The following SLC35F3 variants were observed in gnomAD, a reference collection of about 807,000 sequenced individuals.
SLC35F3 encodes solute carrier family 35 member F3, also known as putative thiamine transporter SLC35F3.
A neutral mutation model predicts 49.9 loss-of-function variants in SLC35F3; 25 were observed. The ratio of observed to expected loss-of-function variants is 0.50; its 90% CI spans 0.37 to 0.70. The LOEUF (loss-of-function observed/expected upper bound fraction) is 0.70. SLC35F3 is among the 30% of genes least tolerant of loss of function. The probability of loss-of-function intolerance (pLI) is 0.00; values close to 1 mark genes in which losing one functional copy is unlikely to be tolerated. For missense variants in SLC35F3, 525 were observed against 639.8 expected (o/e 0.82, Z 1.94); for synonymous variants, 275 against 265.4 (o/e 1.04, Z -0.35).
chr1:233,913,345 C>G (rs1163518297), intron 2 of SLC35F3, among the ~76,000 whole-genome samples: 1 of 152,202 alleles, frequency 6.6e-6, no homozygotes, highest in Non-Finnish European at 1.5e-5. Flanking sequence ...CTGTCACCTT[C>G]CTCATCCAGG....
chr1:233,984,459 G>T (rs1220535510), intron 2 of SLC35F3, among the ~76,000 whole-genome samples: 1 of 152,146 alleles, frequency 6.6e-6, no homozygotes, highest in Non-Finnish European at 1.5e-5. Context: ...AACGGGATGG[G>T]TAAGTTTTAG....
At chr1:234,130,734 T>G (rs1331674763) in intron 2 of SLC35F3, among the ~76,000 whole-genome samples, 1 of 152,008 alleles carries the variant, frequency 6.6e-6, no homozygotes, top group African/African-American at 2.4e-5. Context: ...GAAGCATATA[T>G]TGGCACCATC....
chr1:233,996,906 T>A (rs1663469709), intron 2 of SLC35F3, among the ~76,000 whole-genome samples: 1 of 151,450 alleles, frequency 6.6e-6, no homozygotes, highest in African/African-American at 2.5e-5. Context: ...CCATATTGGG[T>A]GACCCTGTGA....
intron 3 of SLC35F3, among the ~76,000 whole-genome samples, chr1:234,249,519 C>G (rs1346602439): frequency 2.0e-5 from 3 of 152,164 alleles, no homozygotes; most frequent in Non-Finnish European, 2.9e-5. Context: ...CACCTTCATC[C>G]AAGTACCAAG....
In SLC35F3 at chr1:234,027,769, C is replaced by T. The variant is rs565450558; in HGVS notation, c.283+122011C>T. Among the ~76,000 whole-genome samples the T allele has an allele frequency of 2.6e-4, 40 of 152,198 alleles. No individual in the cohort carries two copies. Among genetic ancestry groups the T allele is most frequent in the African/African-American group, 8.7e-4 (36 of 41,512 alleles). On this transcript the variant is annotated intron_variant, in intron 2 of 7. Transcript: ENST00000366618. This position sits in a 1 kb window ranked among gnomAD's most constrained non-coding sequence, Gnocchi z 4.1. ...TTAGTAAAAATTCACTGGGAGCCTG[C>T]GCCAGTTTAGCACTGGGTATTTAGC...
intron 2 of SLC35F3, among the ~76,000 whole-genome samples, chr1:234,204,787 C>T (rs1335121200): frequency 6.6e-6 from 1 of 152,238 alleles, no homozygotes; most frequent in East Asian, 1.9e-4. Context: ...GCAGGACACA[C>T]CTCTACACCT....
intron 2 of SLC35F3, among the ~76,000 whole-genome samples, chr1:233,982,520 A>G (rs1051263903): frequency 2.0e-5 from 3 of 151,972 alleles, no homozygotes; most frequent in African/African-American, 7.3e-5. Context: ...GTTTACAGGC[A>G]TGCGCCACCA....
chr1:233,987,175 A>T (rs1032137510), intron 2 of SLC35F3, among the ~76,000 whole-genome samples: 3 of 152,190 alleles, frequency 2.0e-5, no homozygotes, highest in African/African-American at 7.2e-5. Context: ...CTGTAATCTC[A>T]GCTACTCCAG....
At chr1:234,209,748 A>G (rs1249955968) in intron 2 of SLC35F3, among the ~76,000 whole-genome samples, 2 of 152,032 alleles carry the variant, frequency 1.3e-5, no homozygotes, top group East Asian at 1.9e-4. Flanking sequence ...TGAGATGGCA[A>G]TTAGTAACTC....
intron 2 of SLC35F3, among the ~76,000 whole-genome samples, chr1:234,099,607 T>TAAAAAAA (rs34510298): frequency 2.3e-5 from 2 of 87,640 alleles, no homozygotes; most frequent in Non-Finnish European, 4.3e-5. Flanking sequence ...AGACTCTGTC[T>TAAAAAAA]AAAAAAAAAA....
chr1:234,134,558 A>T (rs922629827), intron 2 of SLC35F3, among the ~76,000 whole-genome samples: 1 of 151,534 alleles, frequency 6.6e-6, no homozygotes, highest in Admixed American at 6.6e-5. Flanking sequence ...CAATAAAGGA[A>T]AATAAAACTG....
intron 2 of SLC35F3, among the ~76,000 whole-genome samples, chr1:234,189,163 A>G (rs1301804864): frequency 6.6e-6 from 1 of 152,098 alleles, no homozygotes; most frequent in Non-Finnish European, 1.5e-5. Flanking sequence ...TAACACCTCA[A>G]AAAAGAAAAA....
At chr1:234,022,266 G>A (rs575060041) in intron 2 of SLC35F3, among the ~76,000 whole-genome samples, 3 of 152,304 alleles carry the variant, frequency 2.0e-5, no homozygotes, top group Non-Finnish European at 4.4e-5. Flanking sequence ...CCAACAGGTT[G>A]TGTATGTGCA....
chr1:233,976,468 G>A (rs184125755), intron 2 of SLC35F3, among the ~76,000 whole-genome samples: 115 of 152,186 alleles, frequency 7.6e-4, no homozygotes, highest in Middle Eastern at 6.8e-3. Flanking sequence ...CTAGCTTCTC[G>A]GCTTCAAACT....
At chr1:234,161,885 C>T (rs1358353723) in intron 2 of SLC35F3, among the ~76,000 whole-genome samples, 4 of 152,130 alleles carry the variant, frequency 2.6e-5, no homozygotes, top group Non-Finnish European at 4.4e-5. Flanking sequence ...CTGGATCTCC[C>T]GCTGAATGCA....
intron 2 of SLC35F3, among the ~76,000 whole-genome samples, chr1:234,206,322 G>A (rs1367417993): frequency 6.6e-6 from 1 of 152,092 alleles, no homozygotes; most frequent in East Asian, 1.9e-4. Flanking sequence ...AGGAGAGCCG[G>A]TTTCTCAGGT....
intron 3 of SLC35F3, among the ~76,000 whole-genome samples, chr1:234,292,936 C>T (rs1321094749): frequency 2.0e-5 from 3 of 152,156 alleles, no homozygotes; most frequent in African/African-American, 7.2e-5. Context: ...TGAAAGGATC[C>T]TAGAGGCCAT....
At chr1:234,229,860 C>A (rs536350414) in intron 2 of SLC35F3, among the ~76,000 whole-genome samples, 1 of 152,140 alleles carries the variant, frequency 6.6e-6, no homozygotes, top group African/African-American at 2.4e-5. Flanking sequence ...TGGAAATTCA[C>A]GGTGAGGAAA....
At chr1:234,209,081 C>T (rs1667014722) in intron 2 of SLC35F3, among the ~76,000 whole-genome samples, 1 of 152,100 alleles carries the variant, frequency 6.6e-6, no homozygotes, top group South Asian at 2.1e-4. Context: ...AGATAGGTGC[C>T]CAATGATCTC....
Sources: gnomAD v4.1 joint callset for allele counts (sites outside exome capture counted in the v4.1 genomes callset) on GRCh38, gnomAD v4.1.1 for gene constraint, Gnocchi (gnomAD v3.1) non-coding constraint, MANE v1.5 for transcripts, NCBI Gene and HGNC (gene_info 2026-07-23, HGNC 2026-07-21) for gene names.